Variants in DERL1 observed in about 807,000 individuals in gnomAD.
DERL1 encodes derlin 1, also known as derlin-1.
A neutral mutation model predicts 41.6 loss-of-function variants in DERL1; 24 were observed. The ratio of observed to expected loss-of-function variants is 0.58; its 90% CI spans 0.42 to 0.81. The LOEUF (loss-of-function observed/expected upper bound fraction) is 0.81, where lower values mean the gene tolerates loss of function less well. Among genes scored for constraint, DERL1 ranks in the 30% least tolerant of loss-of-function variants. DERL1 has a pLI of 0.00. For missense variants in DERL1, 260 were observed against 314.3 expected (o/e 0.83, Z 1.31); for synonymous variants, 124 against 112.5 (o/e 1.10, Z -0.65).
At position 123,014,125 on chromosome 8, in the gene DERL1, TA is replaced by T. The variant is rs919457628; in HGVS notation, c.*1321del. 6.6e-6 allele frequency: 1 copy of T among 152,310 alleles called. No individual in the cohort carries two copies. The highest frequency in any genetic ancestry group is 2.4e-5 in the African/African-American group (1 of 41,428). The allele number at this position is 152,310 out of a possible 1,614,324, so 9.4% of individuals were successfully genotyped here. On this transcript the variant is annotated 3_prime_UTR_variant, in exon 8 of 8. Coordinates refer to ENST00000259512, the MANE Select transcript of DERL1 (RefSeq NM_024295.6). The stretch of plus-strand genomic sequence containing the variant: ...TCTGCTTTCAGATAACGTCATAAAA[TA>T]AAATAACTGTGTGAAAAGCCATGGC...
In DERL1 at chr8:123,035,705, T is replaced by A. The variant is rs1017726235; in HGVS notation, c.154-4989A>T. Among the ~76,000 whole-genome samples the A allele has an allele frequency of 2.6e-5, 4 of 152,188 alleles. No individual in the cohort carries two copies. In the East Asian group the frequency reaches 7.7e-4, roughly 29 times the overall value. ...ACTTAACAAGGACATGTAGCCCATGTGCTCACTGCTATATACACCCTTAAA... is the reference window on the plus strand; with the variant it reads ...ACTTAACAAGGACATGTAGCCCATGAGCTCACTGCTATATACACCCTTAAA... On this transcript the variant is annotated intron_variant, in intron 1 of 7. Transcript: ENST00000259512.
At chr8:123,032,984 C>T (rs1812849447) in intron 1 of DERL1, among the ~76,000 whole-genome samples, 2 of 114,524 alleles carry the variant, frequency 1.7e-5, no homozygotes, top group South Asian at 6.6e-4. Context: ...CACTCAGCCT[C>T]CCAAGTGGCT....
chr8:123,038,695 T>A (rs1812984165), intron 1 of DERL1, among the ~76,000 whole-genome samples: 1 of 152,214 alleles, frequency 6.6e-6, no homozygotes, highest in Non-Finnish European at 1.5e-5. Context: ...ACAAGCCGGT[T>A]TTGACCAGGT....
chr8:123,021,071 T>C (rs1157766231), intron 6 of DERL1, among the ~76,000 whole-genome samples: 1 of 152,114 alleles, frequency 6.6e-6, no homozygotes, highest in African/African-American at 2.4e-5. Flanking sequence ...CAAGGCATTC[T>C]GGAAATGCCT....
intron 5 of DERL1, 124 bp from the exon 6 acceptor site, chr8:123,021,623 C>T: frequency 2.4e-6 from 2 of 834,288 alleles, no homozygotes; most frequent in Admixed American, 2.2e-5. Flanking sequence ...TGGAAGGTCA[C>T]TGCAAAATTT....
In DERL1 at chr8:123,015,502, T is replaced by G; in HGVS notation, c.701A>C (p.Asn234Thr). 2 of 1,613,650 alleles carry G rather than the reference T, an allele frequency of 1.2e-6. No individual in the cohort carries two copies. The highest frequency in any genetic ancestry group is 1.7e-6 in the Non-Finnish European group (2 of 1,179,848). Residue 234 changes from asparagine (N) to threonine (T), a missense_variant, in exon 8 of 8, where the codon AAT becomes ACT. Physicochemically the swap from Asn to Thr is moderately conservative, Grantham distance 65. Transcript: ENST00000259512. Reference protein sequence around the residue: ...PASMRRAADQNGGGGRHNWGQ... With the variant: ...PASMRRAADQTGGGGRHNWGQ... ...CCAGTTGTGTCTCCCGCCTCCGCCATTCTGATCAGCAGCTCGCCTCATGCT... is the reference window on the plus strand; with the variant it reads ...CCAGTTGTGTCTCCCGCCTCCGCCAGTCTGATCAGCAGCTCGCCTCATGCT...
rs868179168 is a variant in DERL1 at position 123,017,400 on chromosome 8, A to C, written c.617+1795T>G. The stretch of plus-strand genomic sequence containing the variant: ...CATAATAAAATAGAACACTTGCTGG[A>C]GAAAATGCTAGGGCTGTCTTGCTTT... On this transcript the variant is annotated intron_variant, in intron 7 of 7. Transcript: ENST00000259512. 5 of 152,322 alleles carry C rather than the reference A, an allele frequency of 3.3e-5. No homozygotes were observed. In the South Asian group the frequency reaches 1.0e-3, roughly 32 times the overall value. 9.4% of individuals were successfully genotyped at this position (152,322 alleles called of 1,614,324 possible). A position where few individuals can be genotyped will look rare whatever the true frequency, so the allele number is the denominator to read the frequency against.
intron 1 of DERL1, among the ~76,000 whole-genome samples, chr8:123,033,458 C>T (rs1483630324): frequency 6.6e-6 from 1 of 152,082 alleles, no homozygotes; most frequent in Non-Finnish European, 1.5e-5. Context: ...GAAAATTGAG[C>T]TTCGGCCGGG....
At chr8:123,037,031 A>G (rs1050641852) in intron 1 of DERL1, among the ~76,000 whole-genome samples, 3 of 152,228 alleles carry the variant, frequency 2.0e-5, no homozygotes, top group African/African-American at 7.2e-5. Context: ...GACAAAGCAG[A>G]ATAATCATCC....
At position 123,024,853 on chromosome 8, in the gene DERL1, A is replaced by G. The variant is rs368525538; in HGVS notation, c.330+133T>C. The G allele has an allele frequency of 1.6e-5, 14 of 862,914 alleles. No homozygotes were observed. The East Asian group carries it at 3.6e-4, about 22-fold the overall frequency. The allele number at this position is 862,914 out of a possible 1,614,324, so 53.5% of individuals were successfully genotyped here. On this transcript the variant is annotated intron_variant, in intron 3 of 7. Coordinates refer to ENST00000259512, the MANE Select transcript of DERL1 (RefSeq NM_024295.6). ...CTACAGTTTTTTTTAAAAAACTATAATTATTCTTATTAACGGTAGTCAACC... is the reference window on the plus strand; with the variant it reads ...CTACAGTTTTTTTTAAAAAACTATAGTTATTCTTATTAACGGTAGTCAACC...
chr8:123,017,737 G>A (rs565656628), intron 7 of DERL1: 1 of 152,266 alleles, frequency 6.6e-6, no homozygotes, highest in East Asian at 1.9e-4. Context: ...AAGCCGTTAA[G>A]TTAGAATATG....
At chr8:123,023,663 A>G (rs1263790200) in intron 4 of DERL1, 50 bp downstream of exon 4, 2 of 1,579,672 alleles carry the variant, frequency 1.3e-6, no homozygotes, top group Admixed American at 1.7e-5. Context: ...CACTAATAGT[A>G]TATTTGAAAC....
In DERL1 at chr8:123,013,431, T is replaced by A. The variant is rs1174811302; in HGVS notation, c.*2016A>T. The A allele has an allele frequency of 7.9e-6, 1 of 126,544 alleles. No homozygotes were observed. Among genetic ancestry groups the A allele is most frequent in the Non-Finnish European group, 1.7e-5 (1 of 57,328 alleles). 7.8% of individuals were successfully genotyped at this position (126,544 alleles called of 1,614,324 possible). A position where few individuals can be genotyped will look rare whatever the true frequency, so the allele number is the denominator to read the frequency against. ...GGAAGTCCTTTATACAAAATAAGGA[T>A]TTTTTTTTTCCATTTGTAAAGAGAA... On this transcript the variant is annotated 3_prime_UTR_variant, in exon 8 of 8. Coordinates refer to ENST00000259512, the MANE Select transcript of DERL1 (RefSeq NM_024295.6).
intron 3 of DERL1, 77 bp downstream of exon 3, chr8:123,024,909 A>C (rs1812648403): frequency 6.9e-7 from 1 of 1,438,986 alleles, no homozygotes; most frequent in Non-Finnish European, 9.5e-7. Flanking sequence ...TGAAACGTTT[A>C]CAGAATATGG....
intron 7 of DERL1, chr8:123,017,513 C>A (rs542222509): frequency 6.6e-6 from 1 of 152,260 alleles, no homozygotes; most frequent in East Asian, 1.9e-4. Context: ...TAAAAAGATA[C>A]CCAATTATAC....
intron 1 of DERL1, among the ~76,000 whole-genome samples, chr8:123,040,854 G>A (rs552599212): frequency 3.3e-5 from 5 of 152,186 alleles, no homozygotes; most frequent in Non-Finnish European, 5.9e-5. Context: ...TAAGGCAAAG[G>A]GGGAAAGGGG....
chr8:123,030,468 GCA>G, intron 2 of DERL1, 135 bp downstream of exon 2: 1 of 609,706 alleles, frequency 1.6e-6, no homozygotes, highest in Non-Finnish European at 2.8e-6. Context: ...TGCAGTCCTG[GCA>G]CAGTCACTAA....
At chr8:123,038,959 C>G (rs1812988970) in intron 1 of DERL1, among the ~76,000 whole-genome samples, 1 of 152,204 alleles carries the variant, frequency 6.6e-6, no homozygotes, top group South Asian at 2.1e-4. Flanking sequence ...TTCATCCATA[C>G]CAGCCCCCAC....
chr8:123,033,145 G>A (rs1411088436), intron 1 of DERL1, among the ~76,000 whole-genome samples: 2 of 152,104 alleles, frequency 1.3e-5, no homozygotes, highest in Non-Finnish European at 2.9e-5. Context: ...TTATAGGCAT[G>A]AGCCACTGGG....
Sources: gnomAD v4.1 joint callset for allele counts (sites outside exome capture counted in the v4.1 genomes callset) on GRCh38, gnomAD v4.1.1 for gene constraint, MANE v1.5 for transcripts, NCBI Gene and HGNC (gene_info 2026-07-23, HGNC 2026-07-21) for gene names.